Variants in GPR158 observed in about 807,000 individuals in gnomAD.
GPR158 encodes the protein metabotropic glycine receptor.
A neutral mutation model predicts 78.2 loss-of-function variants in GPR158; 30 were observed. That is an observed-to-expected ratio of 0.38 (90% CI 0.29 to 0.52). The LOEUF (loss-of-function observed/expected upper bound fraction) is 0.52, where lower values mean the gene tolerates loss of function less well. GPR158 is among the 20% of genes least tolerant of loss of function. The probability of loss-of-function intolerance (pLI) is 0.83; values close to 1 mark genes in which losing one functional copy is unlikely to be tolerated. For missense variants in GPR158, 1,463 were observed against 1,523.5 expected (o/e 0.96, Z 0.66); for synonymous variants, 581 against 591.1 (o/e 0.98, Z 0.25).
At chr10:25,451,253 A>C (rs1372424828) in intron 4 of GPR158, among the ~76,000 whole-genome samples, 1 of 152,192 alleles carries the variant, frequency 6.6e-6, no homozygotes, top group Admixed American at 6.5e-5. Flanking sequence ...AAAGTTGCCT[A>C]CCCAAAGGAT....
At chr10:25,406,426 T>G (rs746149269) in intron 3 of GPR158, among the ~76,000 whole-genome samples, 1 of 152,140 alleles carries the variant, frequency 6.6e-6, no homozygotes, top group African/African-American at 2.4e-5. Flanking sequence ...CTTCCTTGTC[T>G]TACTATATCT....
rs560880517 is a variant in GPR158, at chr10:25,498,041, G to A, written c.1404+31322G>A. ...AATTTGGTGAAAGGAAAGAAAGTAT[G>A]AGGAGCAGAAAGAGAAAGAGGAAGG... On this transcript the variant is annotated intron_variant, in intron 5 of 10. Coordinates refer to ENST00000376351, the MANE Select transcript of GPR158 (RefSeq NM_020752.3). Among the ~76,000 whole-genome samples, 10 of 152,312 alleles carry A rather than the reference G, an allele frequency of 6.6e-5. No homozygotes were observed. The South Asian group carries it at 1.9e-3, about 28-fold the overall frequency.
chr10:25,565,332 G>C (rs550578663), intron 6 of GPR158, among the ~76,000 whole-genome samples: 5 of 152,166 alleles, frequency 3.3e-5, no homozygotes, highest in Non-Finnish European at 5.9e-5. Context: ...TGTGGCCTGG[G>C]ACTATCAGAC....
chr10:25,424,470 C>T (rs1399916302), intron 4 of GPR158, among the ~76,000 whole-genome samples: 1 of 151,462 alleles, frequency 6.6e-6, no homozygotes, highest in Non-Finnish European at 1.5e-5. Flanking sequence ...TGCCTATGTC[C>T]TGAATGGTAT....
chr10:25,355,122 TA>T (rs1291881314), intron 2 of GPR158, among the ~76,000 whole-genome samples: 2 of 152,170 alleles, frequency 1.3e-5, no homozygotes, highest in African/African-American at 4.8e-5. Flanking sequence ...AGTTTTATAT[TA>T]TTTTTTTAAA....
chr10:25,357,743 C>A (rs1276847291), intron 2 of GPR158, among the ~76,000 whole-genome samples: 4 of 152,036 alleles, frequency 2.6e-5, no homozygotes, highest in African/African-American at 9.7e-5. Context: ...TCAAGGAGAA[C>A]CTCTGCTAGG....
chr10:25,534,683 G>A (rs1836475387), intron 5 of GPR158, among the ~76,000 whole-genome samples: 1 of 152,050 alleles, frequency 6.6e-6, no homozygotes, highest in Non-Finnish European at 1.5e-5. Flanking sequence ...GAACCCAAGA[G>A]GTGGAGGTTG....
At chr10:25,540,644 G>T (rs904798418) in intron 5 of GPR158, among the ~76,000 whole-genome samples, 2 of 151,822 alleles carry the variant, frequency 1.3e-5, no homozygotes, top group Non-Finnish European at 1.5e-5. Flanking sequence ...CCTTTGTAGG[G>T]ACATGGATGA....
Position 25,602,039 on chromosome 10 carries a change from T to C in GPR158, c.*2765T>C, listed in dbSNP as rs899907386. On this transcript the variant is annotated 3_prime_UTR_variant, in exon 11 of 11. Transcript: ENST00000376351. Reference sequence around the variant, plus strand: ...TGAAAAAACACTGCCTTTTGACTTCTAGCATTTAGCAACCGAGAGTCGTAG... The same window carrying C: ...TGAAAAAACACTGCCTTTTGACTTCCAGCATTTAGCAACCGAGAGTCGTAG... The C allele has an allele frequency of 6.6e-6, 1 of 152,598 alleles. No homozygotes were observed. The highest frequency in any genetic ancestry group is 1.5e-5 in the Non-Finnish European group (1 of 68,026). The allele number at this position is 152,598 out of a possible 1,614,324, so 9.5% of individuals were successfully genotyped here.
At chr10:25,287,205 C>T (rs1377076017) in intron 2 of GPR158, among the ~76,000 whole-genome samples, 2 of 151,838 alleles carry the variant, frequency 1.3e-5, no homozygotes, top group East Asian at 3.9e-4. Context: ...TGTTGATTTT[C>T]CACTGCTCTT....
At position 25,602,071 on chromosome 10, in the gene GPR158, TA is replaced by T. The variant is rs3834404; in HGVS notation, c.*2800del. On this transcript the variant is annotated 3_prime_UTR_variant, in exon 11 of 11. Coordinates refer to ENST00000376351, the MANE Select transcript of GPR158 (RefSeq NM_020752.3). ...TAGCAACCGAGAGTCGTAGAGTCAATAAAGCTGTAAGTGTCTTCACTTAATC... is the reference window on the plus strand; with the variant it reads ...TAGCAACCGAGAGTCGTAGAGTCAATAAGCTGTAAGTGTCTTCACTTAATC... 0.05 allele frequency: 7,659 copies of T among 152,676 alleles called. 238 individuals are homozygous for T. Among genetic ancestry groups the T allele is most frequent in the Admixed American group, 0.084 (1,280 of 15,270 alleles). The allele number at this position is 152,676 out of a possible 1,614,324, so 9.5% of individuals were successfully genotyped here.
chr10:25,445,495 C>T (rs1460458514), intron 4 of GPR158, among the ~76,000 whole-genome samples: 1 of 152,036 alleles, frequency 6.6e-6, no homozygotes, highest in Non-Finnish European at 1.5e-5. Flanking sequence ...TAAAGATTTA[C>T]AAAGAAAATG....
At chr10:25,285,213 A>G (rs910235350) in intron 2 of GPR158, among the ~76,000 whole-genome samples, 13 of 152,116 alleles carry the variant, frequency 8.5e-5, no homozygotes, top group African/African-American at 3.1e-4. Flanking sequence ...AAATAGAATC[A>G]ATGAGATATA....
intron 2 of GPR158, among the ~76,000 whole-genome samples, chr10:25,331,688 C>T (rs1855126124): frequency 6.6e-6 from 1 of 152,132 alleles, no homozygotes; most frequent in Admixed American, 6.5e-5. Context: ...GTATATCTGG[C>T]CTCTCTCACC....
intron 5 of GPR158, among the ~76,000 whole-genome samples, chr10:25,537,367 A>G (rs1023670917): frequency 3.9e-5 from 6 of 152,330 alleles, no homozygotes; most frequent in Admixed American, 6.5e-5. Flanking sequence ...CTGTATCATG[A>G]CATAAATATG....
chr10:25,397,799 G>T (rs1384613342), intron 3 of GPR158, among the ~76,000 whole-genome samples: 1 of 152,150 alleles, frequency 6.6e-6, no homozygotes, highest in Non-Finnish European at 1.5e-5. Context: ...AATTTGCTGG[G>T]ATAGTCACTC....
intron 2 of GPR158, among the ~76,000 whole-genome samples, chr10:25,356,797 G>C (rs1226793319): frequency 6.6e-6 from 1 of 152,046 alleles, no homozygotes; most frequent in Non-Finnish European, 1.5e-5. Flanking sequence ...GAATTATATG[G>C]TAAATTGGTA....
intron 2 of GPR158, among the ~76,000 whole-genome samples, chr10:25,229,034 C>CAAA (rs767651286): frequency 0.012 from 1,072 of 88,690 alleles, 14 homozygotes; most frequent in Middle Eastern, 0.051. Flanking sequence ...GACTCAATGT[C>CAAA]AAAAAAAAAA....
chr10:25,419,667 G>T (rs1474864849), intron 4 of GPR158, among the ~76,000 whole-genome samples: 1 of 152,044 alleles, frequency 6.6e-6, no homozygotes, highest in Non-Finnish European at 1.5e-5. Context: ...TTGTTTTGTT[G>T]TTGTTGTTGT....
Sources: allele counts gnomAD v4.1 joint callset (sites outside exome capture counted in the v4.1 genomes callset), GRCh38; gene constraint gnomAD v4.1.1; transcripts MANE v1.5; gene names NCBI Gene and HGNC (gene_info 2026-07-23, HGNC 2026-07-21).